Variants in CASD1 observed in about 807,000 individuals in gnomAD.
CASD1 encodes N-acetylneuraminate (7)9-O-acetyltransferase.
CASD1 carries 41 observed loss-of-function variants against 100.0 expected under a neutral mutation model. The observed-to-expected ratio is 0.41, with a 90% confidence interval of 0.32 to 0.53. CASD1 has a LOEUF of 0.53. CASD1 is among the 20% of genes least tolerant of loss of function. The pLI is 0.25. For synonymous variants in CASD1, 321 were observed against 315.6 expected, an observed-to-expected ratio of 1.02 and a Z score of -0.18; for missense variants, 774 against 948.7, an observed-to-expected ratio of 0.82 and a Z score of 2.42.
At chr7:94,614,315 T>A in the CASD1 span, among the ~76,000 whole-genome samples, 1 of 151,998 alleles carries the variant, frequency 6.6e-6, no homozygotes, top group Admixed American at 6.6e-5. Flanking sequence ...CCAGCACCTA[T>A]ATCCACACAG....
At chr7:94,547,361 T>C (rs563168962) in intron 13 of CASD1, among the ~76,000 whole-genome samples, 186 bp downstream of exon 13, 30 of 151,974 alleles carry the variant, frequency 2.0e-4, no homozygotes, top group African/African-American at 7.0e-4. Flanking sequence ...GTTACCACTG[T>C]TTTTGTTGTA....
At chr7:94,581,881 G>A in the CASD1 span, among the ~76,000 whole-genome samples, 9 of 152,232 alleles carry the variant, frequency 5.9e-5, no homozygotes, top group South Asian at 4.2e-4. Flanking sequence ...ACTCCTTTGC[G>A]TATATACCCA....
At chr7:94,577,311 C>T in the CASD1 span, among the ~76,000 whole-genome samples, 5 of 152,206 alleles carry the variant, frequency 3.3e-5, no homozygotes, top group African/African-American at 9.6e-5. Flanking sequence ...CTCCCCAAAG[C>T]GTTGTTTTGT....
At chr7:94,633,784 T>C in the CASD1 span, among the ~76,000 whole-genome samples, 67 of 152,266 alleles carry the variant, frequency 4.4e-4, no homozygotes, top group South Asian at 3.3e-3. Flanking sequence ...AACATTAAAT[T>C]TTGAAAGTAC....
chr7:94,535,473 A>G lies in CASD1; in HGVS notation c.793A>G (p.Ile265Val), dbSNP rs1288010750. Residue 265 changes from isoleucine (I) to valine (V), a missense_variant, in exon 8 of 18, where the codon ATC (isoleucine) becomes GTC (valine). By Grantham distance (29) the Ile-to-Val change is conservative. Coordinates refer to ENST00000297273, the MANE Select transcript of CASD1 (RefSeq NM_022900.5). ...TTCCAAATTAATTGCTCAAGAAACC[A>G]TCATGGAATCTTTGGATGGCTTACA... Reference protein sequence around the residue: ...SVSKLIAQETIMESLDGLHLP... With the variant: ...SVSKLIAQETVMESLDGLHLP... 12 of 1,613,662 alleles carry G rather than the reference A, an allele frequency of 7.4e-6. No homozygotes were observed. The highest frequency in any genetic ancestry group is 1.7e-5 in the Admixed American group (1 of 59,986).
the CASD1 span, chr7:94,588,391 A>G: frequency 4.5e-5 from 53 of 1,171,150 alleles, no homozygotes; most frequent in African/African-American, 6.9e-4. Flanking sequence ...TTTCATACCA[A>G]GGGGAAGAAT....
intron 13 of CASD1, among the ~76,000 whole-genome samples, chr7:94,548,368 G>A (rs1460662914): frequency 6.6e-6 from 1 of 151,618 alleles, no homozygotes; most frequent in East Asian, 1.9e-4. Flanking sequence ...TGTTACATAT[G>A]TATGATCCAT....
the CASD1 span, among the ~76,000 whole-genome samples, chr7:94,622,823 A>G: frequency 6.6e-6 from 1 of 152,062 alleles, no homozygotes. Context: ...TACACTATAA[A>G]CTATTTAGGA....
chr7:94,510,411 A>C (rs1445335092), intron 1 of CASD1, among the ~76,000 whole-genome samples, 194 bp downstream of exon 1: 1 of 152,148 alleles, frequency 6.6e-6, no homozygotes, highest in East Asian at 2.0e-4. Flanking sequence ...AGTGGGGGCC[A>C]CCAAAGGACA....
intron 10 of CASD1, among the ~76,000 whole-genome samples, chr7:94,541,621 T>C (rs2116361542): frequency 7.7e-6 from 1 of 130,118 alleles, no homozygotes; most frequent in African/African-American, 2.8e-5. Flanking sequence ...TGAAAGGTCA[T>C]GAGAATATAT....
chr7:94,512,716 A>G (rs1173659555), intron 1 of CASD1, among the ~76,000 whole-genome samples: 1 of 152,228 alleles, frequency 6.6e-6, no homozygotes, highest in Non-Finnish European at 1.5e-5. Flanking sequence ...CATCTTTGTA[A>G]TCAGGGTGAG....
the CASD1 span, chr7:94,629,901 A>T: frequency 2.5e-6 from 4 of 1,596,160 alleles, no homozygotes; most frequent in Non-Finnish European, 2.6e-6. Flanking sequence ...CGCCCTTGAT[A>T]ATTCAGCTTA....
chr7:94,579,274 A>C, the CASD1 span, among the ~76,000 whole-genome samples: 2 of 151,970 alleles, frequency 1.3e-5, no homozygotes, highest in Admixed American at 1.3e-4. Context: ...AGTTTATCTC[A>C]ATCTTTCTTC....
the CASD1 span, among the ~76,000 whole-genome samples, chr7:94,574,563 T>C: frequency 6.6e-6 from 1 of 152,088 alleles, no homozygotes; most frequent in African/African-American, 2.4e-5. Flanking sequence ...TTCTTTGTGG[T>C]CAGTGGTAAC....
chr7:94,545,842 GTTCTT>G, intron 12 of CASD1, 141 bp downstream of exon 12: 3 of 517,702 alleles, frequency 5.8e-6, no homozygotes, highest in Non-Finnish European at 9.8e-6. Context: ...TTGAAATTCT[GTTCTT>G]AAACGATATT....
chr7:94,561,486 C>G (rs1259499019), downstream of CASD1, among the ~76,000 whole-genome samples: 1 of 151,908 alleles, frequency 6.6e-6, no homozygotes, highest in Non-Finnish European at 1.5e-5. Flanking sequence ...TTTTAATGGC[C>G]ACTGTTATGC....
intron 1 of CASD1, among the ~76,000 whole-genome samples, chr7:94,510,555 C>T (rs1793646987): frequency 1.3e-5 from 2 of 152,196 alleles, no homozygotes; most frequent in South Asian, 2.1e-4. Context: ...AGATCAGGGG[C>T]TCGCGTGCAG....
At chr7:94,580,847 T>C in the CASD1 span, among the ~76,000 whole-genome samples, 1 of 152,224 alleles carries the variant, frequency 6.6e-6, no homozygotes, top group African/African-American at 2.4e-5. Context: ...ATATTTTCTG[T>C]TGCAGTTTGA....
chr7:94,562,835 C>G, the CASD1 span, among the ~76,000 whole-genome samples: 1 of 152,116 alleles, frequency 6.6e-6, no homozygotes, highest in Non-Finnish European at 1.5e-5. Flanking sequence ...ATGTTCCAGT[C>G]TGGGAGTGGT....
Sources: allele counts gnomAD v4.1 joint callset (sites outside exome capture counted in the v4.1 genomes callset), GRCh38; gene constraint gnomAD v4.1.1; transcripts MANE v1.5; gene names NCBI Gene and HGNC (gene_info 2026-07-23, HGNC 2026-07-21).